Variants in CREB3 observed in about 807,000 individuals in gnomAD.
The protein encoded by CREB3 is cAMP responsive element binding protein 3.
Under a neutral mutation model 34.5 loss-of-function variants are expected in CREB3, and 29 were observed. The ratio of observed to expected loss-of-function variants is 0.84; its 90% CI spans 0.63 to 1.15. CREB3 has a LOEUF of 1.15. CREB3 is among the 50% of genes most tolerant of loss of function. The pLI, the probability that CREB3 is intolerant of heterozygous loss-of-function variation, is 0.00. For synonymous variants in CREB3, 187 were observed against 173.9 expected, an observed-to-expected ratio of 1.08 and a Z score of -0.59; for missense variants, 447 against 443.4, an observed-to-expected ratio of 1.01 and a Z score of -0.07.
chr9:35,736,295 G>A lies in CREB3; in HGVS notation c.765G>A (p.Leu255=). The A allele has an allele frequency of 2.5e-6, 4 of 1,614,118 alleles. No individual in the cohort carries two copies. Among genetic ancestry groups the A allele is most frequent in the East Asian group, 2.2e-5 (1 of 44,890 alleles). ...AMYSSDTRGS[L]PAEHGVLSRQ... ...ACTCCTCTGACACAAGGGGGAGCCT[G>A]CCAGCTGAGCATGGAGGTAAGAGGC... The change falls in exon 8 of 9, where the codon CTG becomes CTA. Residue 255 remains leucine, a synonymous_variant. Transcript: ENST00000353704.
In CREB3 at chr9:35,736,910, A is replaced by G. The variant is rs1050798984; in HGVS notation, c.*184A>G. On this transcript the variant is annotated 3_prime_UTR_variant, in exon 9 of 9. Transcript: ENST00000353704. ...TTTGTACCCATGTGTCTGTCACACC[A>G]TGAATGTACCTGGGGAAATCAACTG... The G allele has an allele frequency of 1.5e-4, 111 of 730,782 alleles. No individual in the cohort carries two copies. The African/African-American group carries it at 1.9e-3, about 13-fold the overall frequency. The allele number at this position is 730,782 out of a possible 1,614,324, so 45.3% of individuals were successfully genotyped here.
At chr9:35,734,294 C>T (rs1826153891) in intron 4 of CREB3, among the ~76,000 whole-genome samples, 1 of 152,134 alleles carries the variant, frequency 6.6e-6, no homozygotes, top group Non-Finnish European at 1.5e-5. Flanking sequence ...TGTGATGTGG[C>T]TACTAAGAAA....
chr9:35,733,972 C>CAGGA (rs1826147792), intron 4 of CREB3, among the ~76,000 whole-genome samples: 2 of 152,030 alleles, frequency 1.3e-5, no homozygotes, highest in Admixed American at 1.3e-4. Context: ...AGAAAGGTTA[C>CAGGA]AGGAATATAT....
chr9:35,736,761 TG>T lies in CREB3; in HGVS notation c.*41del, dbSNP rs552357202. 2.7e-3 allele frequency: 4,221 copies of T among 1,542,434 alleles called. 16 individuals are homozygous for T. The highest frequency in any genetic ancestry group is 4.1e-3 in the South Asian group (354 of 86,662). ...TATGTGGGGGGTCTCAGCAGGAGCC[TG>T]GGGGGCTCCCCATCTGTGTCCAAAT... On this transcript the variant is annotated 3_prime_UTR_variant, in exon 9 of 9. Coordinates refer to ENST00000353704, the MANE Select transcript of CREB3 (RefSeq NM_006368.5).
intron 4 of CREB3, among the ~76,000 whole-genome samples, chr9:35,734,386 C>T (rs927133547): frequency 2.6e-5 from 4 of 152,070 alleles, no homozygotes; most frequent in Non-Finnish European, 5.9e-5. Flanking sequence ...CTGGCTAGAG[C>T]ACATCTTTGA....
At position 35,736,291 on chromosome 9, in the gene CREB3, G is replaced by T; in HGVS notation, c.761G>T (p.Ser254Ile). ...ATGTACTCCTCTGACACAAGGGGGA[G>T]CCTGCCAGCTGAGCATGGAGGTAAG... is the stretch of plus-strand genomic sequence containing the variant. The part of the protein sequence containing the change: ...PAMYSSDTRG[S>I]LPAEHGVLSR... Residue 254 changes from serine to isoleucine, a missense_variant, in exon 8 of 9, where the codon AGC (serine) becomes ATC (isoleucine). Coordinates refer to ENST00000353704, the MANE Select transcript of CREB3 (RefSeq NM_006368.5). 6.2e-7 allele frequency: 1 copy of T among 1,614,138 alleles called. No homozygotes were observed. Among genetic ancestry groups the T allele is most frequent in the Non-Finnish European group, 8.5e-7 (1 of 1,180,008 alleles).
rs1826238926 is a variant in CREB3 at position 35,736,949 on chromosome 9, T to G, written c.*223T>G. On this transcript the variant is annotated 3_prime_UTR_variant, in exon 9 of 9. Transcript: ENST00000353704. ...GGAAATCAACTGACCTCCCTGAACA[T>G]TTCACGCAGTCAGGGAACAGGTGAG... is the stretch of plus-strand genomic sequence containing the variant. 1.3e-6 allele frequency: 1 copy of G among 787,048 alleles called. No individual in the cohort carries two copies. The allele number at this position is 787,048 out of a possible 1,614,324, so 48.8% of individuals were successfully genotyped here. A position where few individuals can be genotyped will look rare whatever the true frequency, so the allele number is the denominator to read the frequency against.
chr9:35,736,499 G>A lies in CREB3; in HGVS notation c.889G>A (p.Gly297Ser), dbSNP rs537723746. 5.7e-5 allele frequency: 92 copies of A among 1,614,168 alleles called. No homozygotes were observed. The South Asian group carries it at 6.5e-4, about 11-fold the overall frequency. ...PKDSTHQWLD[G>S]SDCVLQAPGN... Reference sequence around the variant, plus strand: ...AGACAGCACACACCAGTGGTTGGACGGCTCAGACTGTGTACTCCAGGCCCC... The same window carrying A: ...AGACAGCACACACCAGTGGTTGGACAGCTCAGACTGTGTACTCCAGGCCCC... The change falls in exon 9 of 9, where the codon GGC becomes AGC. Residue 297 changes from glycine (G) to serine (S), a missense_variant. Transcript: ENST00000353704.
rs1563952255 is a variant in CREB3 at position 35,736,097 on chromosome 9, T to C, written c.661T>C (p.Ser221Pro). The C allele has an allele frequency of 6.2e-7, 1 of 1,614,026 alleles. No individual in the cohort carries two copies. The highest frequency in any genetic ancestry group is 8.5e-7 in the Non-Finnish European group (1 of 1,179,988). ...ACTCCAGGCCATGGTGATTGAGATA[T>C]CAAACAAAACCAGCAGCAGCAGCAC... ...RKLQAMVIEI[S>P]NKTSSSSTCI... Residue 221 changes from serine to proline, a missense_variant, in exon 7 of 9, where the codon TCA (serine) becomes CCA (proline). Ser to Pro is a moderately conservative substitution (Grantham distance 74). Coordinates refer to ENST00000353704, the MANE Select transcript of CREB3 (RefSeq NM_006368.5).
In CREB3 at chr9:35,736,262, T is replaced by C. The variant is rs775988589; in HGVS notation, c.732T>C (p.Pro244=). The C allele has an allele frequency of 1.6e-5, 26 of 1,614,064 alleles. No homozygotes were observed. The highest frequency in any genetic ancestry group is 1.3e-5 in the African/African-American group (1 of 74,922). Residue 244 remains proline, a synonymous_variant, in exon 8 of 9, where the codon CCT becomes CCC. Transcript: ENST00000353704. ...TCTCCTTCTGCCTCCTCCTTGTACC[T>C]GCTATGTACTCCTCTGACACAAGGG... ...LLVSFCLLLV[P]AMYSSDTRGS...
intron 6 of CREB3, among the ~76,000 whole-genome samples, chr9:35,735,742 C>G (rs940907298): frequency 2.0e-5 from 3 of 152,110 alleles, no homozygotes; most frequent in Non-Finnish European, 4.4e-5. Context: ...ATAGAAAATG[C>G]CTGGTGAGGA....
intron 6 of CREB3, among the ~76,000 whole-genome samples, chr9:35,735,827 T>TTTTTG (rs1159235685): frequency 6.6e-6 from 1 of 152,082 alleles, no homozygotes; most frequent in Non-Finnish European, 1.5e-5. Context: ...TGGCAGAGTT[T>TTTTTG]TTTTGTTTTG....
chr9:35,734,044 G>A (rs1826149589), intron 4 of CREB3, among the ~76,000 whole-genome samples: 1 of 152,084 alleles, frequency 6.6e-6, no homozygotes, highest in African/African-American at 2.4e-5. Context: ...TGTGATCATG[G>A]CTCACTGCAG....
At position 35,736,477 on chromosome 9, in the gene CREB3, C is replaced by A. The variant is rs116475201; in HGVS notation, c.867C>A (p.Asp289Glu). 116 of 1,614,218 alleles carry A rather than the reference C, an allele frequency of 7.2e-5. 1 individual carries two copies. The African/African-American group carries it at 1.3e-3, about 18-fold the overall frequency. ...LPALQSEVPK[D>E]STHQWLDGSD... ...CCCTGCAGTCAGAAGTGCCGAAAGA[C>A]AGCACACACCAGTGGTTGGACGGCT... is the stretch of plus-strand genomic sequence containing the variant. Residue 289 changes from aspartate to glutamate, a missense_variant, in exon 9 of 9, where the codon GAC becomes GAA. Asp to Glu is a conservative substitution (Grantham distance 45). Transcript: ENST00000353704.
Position 35,735,165 on chromosome 9 carries a change from T to C in CREB3, c.492T>C (p.Ala164=), listed in dbSNP as rs1450309767. Residue 164 remains alanine (A), a synonymous_variant, in exon 5 of 9, where the codon GCT becomes GCC. Coordinates refer to ENST00000353704, the MANE Select transcript of CREB3 (RefSeq NM_006368.5). ...VRRKIRNKRS[A]QESRRKKKVY... is the part of the protein sequence containing the mutation. Reference sequence around the variant, plus strand: ...GGAAGATTCGAAATAAAAGATCTGCTCAAGAGAGCCGCAGGAAAAAGAAGG... The same window carrying C: ...GGAAGATTCGAAATAAAAGATCTGCCCAAGAGAGCCGCAGGAAAAAGAAGG... The C allele has an allele frequency of 1.4e-5, 22 of 1,603,518 alleles. No individual in the cohort carries two copies. Among genetic ancestry groups the C allele is most frequent in the Non-Finnish European group, 1.8e-5 (21 of 1,177,580 alleles).
At chr9:35,734,145 T>G (rs1384341159) in intron 4 of CREB3, among the ~76,000 whole-genome samples, 1 of 152,078 alleles carries the variant, frequency 6.6e-6, no homozygotes, top group Non-Finnish European at 1.5e-5. Flanking sequence ...GGCAATTTTT[T>G]TTTTGGTATT....
At position 35,733,281 on chromosome 9, in the gene CREB3, A is replaced by G; in HGVS notation, c.344A>G (p.Gln115Arg). ...TPQHMEELAE[Q>R]EIARLVLTDE... Reference sequence around the variant, plus strand: ...CAGCATATGGAGGAGCTGGCAGAGCAGGTACTTGACTTGATTTTCAGGAGA... The same window carrying G: ...CAGCATATGGAGGAGCTGGCAGAGCGGGTACTTGACTTGATTTTCAGGAGA... Residue 115 changes from glutamine (Q) to arginine (R), a missense_variant and splice_region_variant, in exon 3 of 9, where the codon CAG becomes CGG. By Grantham distance (43) the Gln-to-Arg change is conservative. Transcript: ENST00000353704. The G allele has an allele frequency of 6.2e-7, 1 of 1,614,228 alleles. No homozygotes were observed. Among genetic ancestry groups the G allele is most frequent in the Non-Finnish European group, 8.5e-7 (1 of 1,180,030 alleles).
intron 4 of CREB3, among the ~76,000 whole-genome samples, chr9:35,734,454 T>G (rs139523625): frequency 1.3e-5 from 2 of 152,302 alleles, no homozygotes; most frequent in South Asian, 4.1e-4. Flanking sequence ...TTTGTCTTTT[T>G]TTTTTTCTTT....
Position 35,733,214 on chromosome 9 carries a change from G to C in CREB3, c.278-1G>C, listed in dbSNP as rs777993025. ...GGCTATTCATACTTTCCCTTTTGCAGAGAGTGAGAGCTGTAGAAAAGAGGG... is the reference window on the plus strand; with the variant it reads ...GGCTATTCATACTTTCCCTTTTGCACAGAGTGAGAGCTGTAGAAAAGAGGG... On this transcript the variant is annotated splice_acceptor_variant, in intron 2 of 8. Transcript: ENST00000353704. LOFTEE classifies it high-confidence loss of function. 1.4e-5 allele frequency: 23 copies of C among 1,614,074 alleles called. No individual in the cohort carries two copies. The East Asian group carries it at 4.2e-4, about 30-fold the overall frequency.
Sources: gnomAD v4.1 joint callset for allele counts (sites outside exome capture counted in the v4.1 genomes callset) on GRCh38, gnomAD v4.1.1 for gene constraint, MANE v1.5 for transcripts, NCBI Gene and HGNC (gene_info 2026-07-23, HGNC 2026-07-21) for gene names.